Variants in SH3YL1 observed in about 807,000 individuals in gnomAD.
SH3YL1 encodes SH3 domain-containing YSC84-like protein 1.
Under a neutral mutation model 45.8 loss-of-function variants are expected in SH3YL1, and 41 were observed. That is an observed-to-expected ratio of 0.89 (90% CI 0.70 to 1.16). The LOEUF is 1.16. SH3YL1 is among the 50% of genes most tolerant of loss of function. The probability of loss-of-function intolerance (pLI) is 0.00; values close to 1 mark genes in which losing one functional copy is unlikely to be tolerated. For missense variants in SH3YL1, 389 were observed against 409.6 expected, an observed-to-expected ratio of 0.95 and a Z score of 0.43; for synonymous variants, 152 against 151.4, an observed-to-expected ratio of 1.00 and a Z score of -0.03.
intron 2 of SH3YL1, among the ~76,000 whole-genome samples, chr2:252,541 A>G (rs2103051140): frequency 6.6e-6 from 1 of 152,250 alleles, no homozygotes; most frequent in East Asian, 1.9e-4. Context: ...CCCTGTCCAG[A>G]CCCCTTCCAC....
intron 2 of SH3YL1, among the ~76,000 whole-genome samples, chr2:250,509 G>A (rs13003964): frequency 6.6e-6 from 1 of 152,056 alleles, no homozygotes; most frequent in Non-Finnish European, 1.5e-5. Flanking sequence ...TAAAATGAGG[G>A]TTATTGGTAT....
chr2:259,909 T>A, intron 1 of SH3YL1: 1 of 151,768 alleles, frequency 6.6e-6, no homozygotes, highest in East Asian at 1.9e-4. Flanking sequence ...ATTATAGAAT[T>A]TTTTTTCAAT....
intron 3 of SH3YL1, 40 bp from the exon 4 acceptor site, chr2:247,642 C>G (rs1215007251): frequency 6.8e-7 from 1 of 1,464,874 alleles, no homozygotes; most frequent in East Asian, 2.5e-5. Context: ...AACATTAAAA[C>G]ACCCTCGACA....
intron 9 of SH3YL1, among the ~76,000 whole-genome samples, chr2:223,206 G>A (rs1244479139): frequency 1.3e-5 from 2 of 152,152 alleles, no homozygotes; most frequent in Admixed American, 6.5e-5. Flanking sequence ...ACGGGGGTTC[G>A]AACTGGAATC....
intron 9 of SH3YL1, among the ~76,000 whole-genome samples, chr2:220,891 T>G (rs975469816): frequency 2.0e-5 from 3 of 152,238 alleles, no homozygotes; most frequent in Non-Finnish European, 2.9e-5. Flanking sequence ...CAGGGAATGT[T>G]CTGGGAGCCA....
At chr2:234,745 C>T (rs553637724) in intron 4 of SH3YL1, among the ~76,000 whole-genome samples, 1 of 152,312 alleles carries the variant, frequency 6.6e-6, no homozygotes, top group Admixed American at 6.5e-5. Context: ...TTTCTACACT[C>T]TCCTCCTGGC....
At position 264,009 on chromosome 2, in the gene SH3YL1, C is replaced by G. The variant is rs1389131408; in HGVS notation, c.-25G>C. ...TGCTGCCCGCCCGGCCGCGGCGCCCCGTCCCGAGGCTGCCCAGGAAGAGGA... is the reference window on the plus strand; with the variant it reads ...TGCTGCCCGCCCGGCCGCGGCGCCCGGTCCCGAGGCTGCCCAGGAAGAGGA... On this transcript the variant is annotated 5_prime_UTR_variant, in exon 1 of 10. Coordinates refer to ENST00000356150, the MANE Select transcript of SH3YL1 (RefSeq NM_015677.4). The G allele has an allele frequency of 2.6e-5, 38 of 1,441,922 alleles. No individual in the cohort carries two copies. The highest frequency in any genetic ancestry group is 3.1e-5 in the Non-Finnish European group (34 of 1,091,514). 89.3% of individuals were successfully genotyped at this position (1,441,922 alleles called of 1,614,324 possible).
intron 4 of SH3YL1, chr2:243,380 G>T: frequency 1.0e-6 from 1 of 964,874 alleles, no homozygotes; most frequent in Non-Finnish European, 1.5e-6. Context: ...AGATAAATTT[G>T]GGAAATTTAT....
intron 9 of SH3YL1, among the ~76,000 whole-genome samples, chr2:223,715 G>A (rs952254347): frequency 6.6e-6 from 1 of 152,164 alleles, no homozygotes; most frequent in Non-Finnish European, 1.5e-5. Context: ...CACAAAGGGT[G>A]AAACACATTT....
At chr2:221,048 G>A (rs1261746181) in intron 9 of SH3YL1, among the ~76,000 whole-genome samples, 1 of 112,818 alleles carries the variant, frequency 8.9e-6, no homozygotes, top group Non-Finnish European at 2.1e-5. Flanking sequence ...ACACACATGT[G>A]CTCCTCTTAC....
chr2:247,588 A>C lies in SH3YL1; in HGVS notation c.241T>G (p.Ser81Ala). 1 of 1,551,622 alleles carries C rather than the reference A, an allele frequency of 6.4e-7. No individual in the cohort carries two copies. Among genetic ancestry groups the C allele is most frequent in the Non-Finnish European group, 8.7e-7 (1 of 1,146,908 alleles). Residue 81 changes from serine (S) to alanine (A), a missense_variant, in exon 4 of 10, where the codon TCA (serine) becomes GCA (alanine). By Grantham distance (99) the Ser-to-Ala change is moderately conservative. Coordinates refer to ENST00000356150, the MANE Select transcript of SH3YL1 (RefSeq NM_015677.4). ...CCAAGGCCAGCTATCCCAATGGCTGAGGGTGCAGACCATTCTAATAAAAAA... is the reference window on the plus strand; with the variant it reads ...CCAAGGCCAGCTATCCCAATGGCTGCGGGTGCAGACCATTCTAATAAAAAA... ...RLPDGKWSAP[S>A]AIGIAGLGGG... is the part of the protein sequence containing the mutation.
chr2:255,637 G>A (rs1475149672), intron 1 of SH3YL1, among the ~76,000 whole-genome samples: 1 of 152,114 alleles, frequency 6.6e-6, no homozygotes. Flanking sequence ...CTGACTTAGG[G>A]TCATTTTGGA....
At chr2:229,830 A>G in intron 8 of SH3YL1, 136 bp downstream of exon 8, 1 of 581,866 alleles carries the variant, frequency 1.7e-6, no homozygotes, top group Non-Finnish European at 3.0e-6. Context: ...GAAGAGGCTG[A>G]GCACTTATTT....
At chr2:224,185 T>A (rs568865942) in intron 9 of SH3YL1, among the ~76,000 whole-genome samples, 11 of 152,322 alleles carry the variant, frequency 7.2e-5, no homozygotes, top group African/African-American at 2.6e-4. Flanking sequence ...TTGCCCTCAA[T>A]TTGTGTACCA....
In SH3YL1 at chr2:247,531, T is replaced by C. The variant is rs1305873844; in HGVS notation, c.291+7A>G. On this transcript the variant is annotated splice_region_variant and intron_variant, in intron 4 of 9. Coordinates refer to ENST00000356150, the MANE Select transcript of SH3YL1 (RefSeq NM_015677.4). The stretch of plus-strand genomic sequence containing the variant: ...GGCAGTTGTATGGACGTGCACAAGC[T>C]ACTTACCTCAATTCCTATTTCAAAT... The C allele has an allele frequency of 6.4e-7, 1 of 1,550,938 alleles. No individual in the cohort carries two copies. Among genetic ancestry groups the C allele is most frequent in the Non-Finnish European group, 8.7e-7 (1 of 1,146,324 alleles).
chr2:244,724 G>C (rs1470121604), intron 4 of SH3YL1: 1 of 152,114 alleles, frequency 6.6e-6, no homozygotes, highest in Admixed American at 6.5e-5. Context: ...GCATTCATGG[G>C]TGTCTCGTCA....
chr2:229,112 A>T (rs540348108), intron 8 of SH3YL1, among the ~76,000 whole-genome samples: 1 of 152,206 alleles, frequency 6.6e-6, no homozygotes, highest in Non-Finnish European at 1.5e-5. Context: ...CCCTACTTCA[A>T]TGTATTCCTA....
chr2:261,108 A>C (rs1669570973), intron 1 of SH3YL1: 1 of 152,268 alleles, frequency 6.6e-6, no homozygotes, highest in Non-Finnish European at 1.5e-5. Flanking sequence ...ATGCGTGGTC[A>C]TAGTTACATG....
intron 5 of SH3YL1, 49 bp from the exon 6 acceptor site, chr2:233,278 C>G (rs747754895): frequency 6.1e-6 from 9 of 1,467,116 alleles, no homozygotes; most frequent in South Asian, 5.9e-5. Flanking sequence ...AGCTCCAAGC[C>G]GAGGATCACT....
Sources: gnomAD v4.1 joint callset for allele counts (sites outside exome capture counted in the v4.1 genomes callset) on GRCh38, gnomAD v4.1.1 for gene constraint, MANE v1.5 for transcripts, NCBI Gene and HGNC (gene_info 2026-07-23, HGNC 2026-07-21) for gene names.